Variants in NUP210 observed in about 807,000 individuals in gnomAD.
NUP210 encodes nuclear pore membrane glycoprotein 210.
A neutral mutation model predicts 196.0 loss-of-function variants in NUP210; 151 were observed. The observed-to-expected ratio is 0.77, with a 90% CI of 0.67 to 0.88. NUP210 has a LOEUF of 0.88. Ranked by LOEUF, NUP210 falls within the 40% of genes least tolerant of loss-of-function variation. NUP210 has a pLI of 0.00. For missense variants in NUP210, 2,314 were observed against 2,493.7 expected (o/e 0.93, Z 1.53); for synonymous variants, 1,070 against 1,052.7 (o/e 1.02, Z -0.32).
At position 13,364,482 on chromosome 3, in the gene NUP210, G is replaced by A. The variant is rs974339274; in HGVS notation, c.1932+1464C>T. Among the ~76,000 whole-genome samples, 3 of 152,320 alleles carry A rather than the reference G, an allele frequency of 2.0e-5. No homozygotes were observed. In the East Asian group the frequency reaches 5.8e-4, roughly 29 times the overall value. On this transcript the variant is annotated intron_variant, in intron 14 of 39. Coordinates refer to ENST00000254508, the MANE Select transcript of NUP210 (RefSeq NM_024923.4). Reference sequence around the variant, plus strand: ...ATTCTAAACAAAACCACCCTTGGTTGATGTCTGCTCTGTGCCAGGCACTGA... The same window carrying A: ...ATTCTAAACAAAACCACCCTTGGTTAATGTCTGCTCTGTGCCAGGCACTGA...
At chr3:13,330,333 T>A (rs1196207678) in intron 30 of NUP210, 127 bp downstream of exon 30, 2 of 873,518 alleles carry the variant, frequency 2.3e-6, no homozygotes, top group African/African-American at 3.4e-5. Context: ...TGCCCCTGAG[T>A]TACTCTAAAT....
intron 14 of NUP210, among the ~76,000 whole-genome samples, chr3:13,365,657 C>T (rs1269972375): frequency 6.6e-6 from 1 of 152,194 alleles, no homozygotes; most frequent in Admixed American, 6.5e-5. Context: ...CCCTTGCAGC[C>T]CACACTCCTA....
intron 3 of NUP210, 70 bp from the exon 4 acceptor site, chr3:13,391,377 G>C (rs1699487290): frequency 1.0e-6 from 1 of 992,438 alleles, no homozygotes; most frequent in Admixed American, 2.0e-5. Context: ...GGCGTGATGG[G>C]AGCTTCTGCC....
intron 3 of NUP210, among the ~76,000 whole-genome samples, chr3:13,396,593 CAA>C (rs113748853): frequency 4.4e-4 from 45 of 101,564 alleles, no homozygotes; most frequent in African/African-American, 6.2e-4. Flanking sequence ...ACTAAAAATA[CAA>C]AAAAAAAAAA....
chr3:13,319,120 C>A lies in NUP210; in HGVS notation c.5515G>T (p.Val1839Leu). Residue 1839 changes from valine (V) to leucine (L), a missense_variant, in exon 39 of 40, where the codon GTG becomes TTG. By Grantham distance (32) the Val-to-Leu change is conservative. Coordinates refer to ENST00000254508, the MANE Select transcript of NUP210 (RefSeq NM_024923.4). ...HTVCTPRDLAVPAALTPRASP... is the reference protein window; with the variant it reads ...HTVCTPRDLALPAALTPRASP... ...GCTCGAGGCGTGAGGGCTGCAGGCA[C>A]AGCAAGATCCCGGGGCGTGCAGACA... 1 of 1,609,274 alleles carries A rather than the reference C, an allele frequency of 6.2e-7. No individual in the cohort carries two copies. Among genetic ancestry groups the A allele is most frequent in the Non-Finnish European group, 8.5e-7 (1 of 1,177,966 alleles).
Position 13,335,495 on chromosome 3 carries a change from A to T in NUP210, c.3802T>A (p.Tyr1268Asn). The change falls in exon 28 of 40, where the codon TAT becomes AAT. Residue 1268 changes from tyrosine (Y) to asparagine (N), a missense_variant. Tyr to Asn is a moderately radical substitution (Grantham distance 143). Transcript: ENST00000254508. ...KAVDPTSGQL[Y>N]GLARELSDEI... ...TCCGAGAGTTCTCTGGCCAGGCCAT[A>T]CAGCTGCCCCGATGTGGGGTCCACA... 1 of 1,613,998 alleles carries T rather than the reference A, an allele frequency of 6.2e-7. No individual in the cohort carries two copies.
intron 2 of NUP210, among the ~76,000 whole-genome samples, chr3:13,398,048 G>A (rs1234339928): frequency 6.6e-6 from 1 of 152,204 alleles, no homozygotes; most frequent in African/African-American, 2.4e-5. Context: ...ATACAAAATT[G>A]TTCTGACCAT....
chr3:13,355,690 C>T (rs537124030), intron 16 of NUP210, among the ~76,000 whole-genome samples: 1 of 152,318 alleles, frequency 6.6e-6, no homozygotes, highest in Admixed American at 6.5e-5. Flanking sequence ...TAATCCACAC[C>T]CTGCTCTGAG....
In NUP210 at chr3:13,379,528, A is replaced by G; in HGVS notation, c.976+35T>C. On this transcript the variant is annotated intron_variant, in intron 7 of 39. Transcript: ENST00000254508. The surrounding 1 kb of genome is among the most constrained non-coding windows in gnomAD (Gnocchi z 4.2). ...TTGACTTCCAAACAGCAGCTCCGCC[A>G]TGCCTAAGAACACACAAGCCCAAGA... 1 of 1,613,552 alleles carries G rather than the reference A, an allele frequency of 6.2e-7. No homozygotes were observed. The highest frequency in any genetic ancestry group is 1.7e-4 in the Middle Eastern group (1 of 5,996).
At chr3:13,404,095 G>A (rs1699926368) in intron 1 of NUP210, among the ~76,000 whole-genome samples, 1 of 152,200 alleles carries the variant, frequency 6.6e-6, no homozygotes, top group South Asian at 2.1e-4. Flanking sequence ...GTTCCTTTCA[G>A]TTATCTGACT....
intron 1 of NUP210, among the ~76,000 whole-genome samples, chr3:13,416,050 A>G (rs2124969374): frequency 6.6e-6 from 1 of 152,280 alleles, no homozygotes; most frequent in East Asian, 1.9e-4. Context: ...GCATGCCCCA[A>G]GGCCAAGCTC....
At chr3:13,368,824 T>C (rs1698628235) in intron 13 of NUP210, among the ~76,000 whole-genome samples, 1 of 152,238 alleles carries the variant, frequency 6.6e-6, no homozygotes, top group South Asian at 2.1e-4. Flanking sequence ...GTTCATCCAT[T>C]CTTCCAACGG....
At position 13,340,348 on chromosome 3, in the gene NUP210, C is replaced by T. The variant is rs369323496; in HGVS notation, c.3229-50G>A. ...GGACTACTGTGCCCCAAGCCCATGG[C>T]GCCAAGCATAACTCACACACTACAT... is the stretch of plus-strand genomic sequence containing the variant. On this transcript the variant is annotated intron_variant, in intron 23 of 39. Transcript: ENST00000254508. This position sits in a 1 kb window ranked among gnomAD's most constrained non-coding sequence, Gnocchi z 4.0. 6.3e-5 allele frequency: 97 copies of T among 1,531,106 alleles called. No individual in the cohort carries two copies. The highest frequency in any genetic ancestry group is 1.4e-4 in the African/African-American group (10 of 73,276). The allele number at this position is 1,531,106 out of a possible 1,614,324, so 94.8% of individuals were successfully genotyped here.
chr3:13,411,466 C>G (rs1471623974), intron 1 of NUP210, among the ~76,000 whole-genome samples: 1 of 152,164 alleles, frequency 6.6e-6, no homozygotes, highest in Non-Finnish European at 1.5e-5. Flanking sequence ...GTTTATTGTT[C>G]ATTTTTAGGA....
At chr3:13,374,066 C>T (rs1466580959) in intron 11 of NUP210, among the ~76,000 whole-genome samples, 193 bp from the exon 12 acceptor site, 1 of 152,106 alleles carries the variant, frequency 6.6e-6, no homozygotes, top group African/African-American at 2.4e-5. Flanking sequence ...TTCACTCACA[C>T]ACTCACCCTC....
intron 3 of NUP210, among the ~76,000 whole-genome samples, chr3:13,396,714 C>T (rs552500604): frequency 2.1e-5 from 3 of 144,344 alleles, no homozygotes; most frequent in Non-Finnish European, 3.0e-5. Flanking sequence ...AAGCCAAGAT[C>T]GCACCACTGC....
chr3:13,386,755 C>A (rs1399688886), intron 5 of NUP210, among the ~76,000 whole-genome samples: 1 of 152,154 alleles, frequency 6.6e-6, no homozygotes, highest in African/African-American at 2.4e-5. Flanking sequence ...GTTCTCTCCA[C>A]ACAAAAGCCC....
At chr3:13,333,303 C>T (rs1265613699) in intron 28 of NUP210, among the ~76,000 whole-genome samples, 2 of 152,260 alleles carry the variant, frequency 1.3e-5, no homozygotes, top group African/African-American at 4.8e-5. Context: ...CCCCTCAGGG[C>T]TGCTGCCTCC....
chr3:13,321,630 G>A lies in NUP210; in HGVS notation c.5121C>T (p.Ser1707=), dbSNP rs374162789. 103 of 1,613,982 alleles carry A rather than the reference G, an allele frequency of 6.4e-5. No homozygotes were observed. The highest frequency in any genetic ancestry group is 8.0e-5 in the Non-Finnish European group (94 of 1,180,016). The change falls in exon 36 of 40, where the codon TCC becomes TCT. Residue 1707 remains serine, a synonymous_variant. Coordinates refer to ENST00000254508, the MANE Select transcript of NUP210 (RefSeq NM_024923.4). Reference sequence around the variant, plus strand: ...CCGGGGCACCAAAGACCCTGATCTCGGAACTGGTGTAGTGGTTGCTCAAAA... The same window carrying A: ...CCGGGGCACCAAAGACCCTGATCTCAGAACTGGTGTAGTGGTTGCTCAAAA... ...EILLSNHYTS[S]EIRVFGAPEV...
Sources: gnomAD v4.1 joint callset for allele counts (sites outside exome capture counted in the v4.1 genomes callset) on GRCh38, gnomAD v4.1.1 for gene constraint, Gnocchi (gnomAD v3.1) non-coding constraint, MANE v1.5 for transcripts, NCBI Gene and HGNC (gene_info 2026-07-23, HGNC 2026-07-21) for gene names.